The following LRRC32 variants were observed in gnomAD, a reference collection of about 807,000 sequenced individuals.
The protein encoded by LRRC32 is transforming growth factor beta activator LRRC32.
Under a neutral mutation model 15.0 loss-of-function variants are expected in LRRC32, and 5 were observed. The observed-to-expected ratio is 0.33, with a 90% CI of 0.17 to 0.70. The LOEUF (loss-of-function observed/expected upper bound fraction) is 0.70, where lower values mean the gene tolerates loss of function less well. LRRC32 is among the 30% of genes least tolerant of loss of function. The pLI is 0.66. For missense variants in LRRC32, 803 were observed against 854.2 expected (o/e 0.94, Z 0.75); for synonymous variants, 391 against 403.9 (o/e 0.97, Z 0.38).
chr11:76,660,247 C>A lies in LRRC32; in HGVS notation c.1346G>T (p.Ser449Ile). ...FSGITSLRSL[S>I]LVDNEIELLR... Reference sequence around the variant, plus strand: ...CAGCTCTATCTCATTATCCACCAGGCTCAGGCTGCGGAGGGAGGTGATGCC... The same window carrying A: ...CAGCTCTATCTCATTATCCACCAGGATCAGGCTGCGGAGGGAGGTGATGCC... The change falls in exon 3 of 3, where the codon AGC becomes ATC. Residue 449 changes from serine to isoleucine, a missense_variant. Transcript: ENST00000260061. 1 of 1,575,540 alleles carries A rather than the reference C, an allele frequency of 6.3e-7. No individual in the cohort carries two copies. Among genetic ancestry groups the A allele is most frequent in the South Asian group, 1.2e-5 (1 of 83,888 alleles).
At chr11:76,661,597 G>A (rs1178725901) in intron 2 of LRRC32, 89 bp from the exon 3 acceptor site, 5 of 1,459,592 alleles carry the variant, frequency 3.4e-6, no homozygotes, top group Non-Finnish European at 4.5e-6. Context: ...ACCCTGCCTG[G>A]CTGGGGAACC....
At chr11:76,667,293 C>G (rs1183757560) in intron 1 of LRRC32, among the ~76,000 whole-genome samples, 1 of 152,214 alleles carries the variant, frequency 6.6e-6, no homozygotes, top group African/African-American at 2.4e-5. Context: ...AACAAGCCAC[C>G]GGCCCAGGTG....
Position 76,659,609 on chromosome 11 carries a change from C to T in LRRC32, c.1984G>A (p.Ala662Thr). 1 of 1,613,932 alleles carries T rather than the reference C, an allele frequency of 6.2e-7. No homozygotes were observed. The highest frequency in any genetic ancestry group is 8.5e-7 in the Non-Finnish European group (1 of 1,179,958). ...RRQKFNQQYKA is the reference protein window; with the variant it reads ...RRQKFNQQYKT The stretch of plus-strand genomic sequence containing the variant: ...TAGAGTGTCTCCCGGCTTCTTTAGG[C>T]TTTATACTGTTGGTTAAACTTCTGC... Residue 662 changes from alanine (A) to threonine (T), a missense_variant, in exon 3 of 3, where the codon GCC becomes ACC. Ala to Thr is a moderately conservative substitution (Grantham distance 58, BLOSUM62 0). Transcript: ENST00000260061.
Position 76,660,387 on chromosome 11 carries a change from G to A in LRRC32, c.1206C>T (p.Pro402=), listed in dbSNP as rs1397624408. The A allele has an allele frequency of 6.2e-7, 1 of 1,613,704 alleles. No individual in the cohort carries two copies. The highest frequency in any genetic ancestry group is 1.7e-5 in the Admixed American group (1 of 59,964). The change falls in exon 3 of 3, where the codon CCC becomes CCT. Residue 402 remains proline (P), a synonymous_variant. Coordinates refer to ENST00000260061, the MANE Select transcript of LRRC32 (RefSeq NM_001128922.2). ...LLQGNALRDL[P]PYTFANLASL... is the part of the protein sequence containing the mutation. ...TGGCCAGATTGGCAAAGGTGTATGG[G>A]GGCAGGTCCCGCAGGGCATTGCCCT...
Position 76,665,930 on chromosome 11 carries a change from G to A in LRRC32, c.25C>T (p.Leu9=), listed in dbSNP as rs199880295. 225 of 1,614,086 alleles carry A rather than the reference G, an allele frequency of 1.4e-4. 3 individuals are homozygous for A. The South Asian group carries it at 2.4e-3, about 17-fold the overall frequency. ...GCCAGGCCTAGGGTCAGCAGGGCCA[G>A]GAGCAGCAGGATCTGGGGTCTCATG... MRPQILLL[L]ALLTLGLAAQ... The change falls in exon 2 of 3, where the codon CTG becomes TTG. Residue 9 remains leucine, a synonymous_variant. Transcript: ENST00000260061.
At chr11:76,664,634 A>G (rs1952594402) in intron 2 of LRRC32, among the ~76,000 whole-genome samples, 2 of 152,176 alleles carry the variant, frequency 1.3e-5, no homozygotes, top group African/African-American at 4.8e-5. Flanking sequence ...TGGGTCACAC[A>G]TCTTCTCCTT....
chr11:76,668,206 T>G (rs1952655986), intron 1 of LRRC32, among the ~76,000 whole-genome samples: 1 of 152,094 alleles, frequency 6.6e-6, no homozygotes. Flanking sequence ...TTCACCTCTC[T>G]GCAACGTTCC....
intron 2 of LRRC32, among the ~76,000 whole-genome samples, chr11:76,661,729 A>G (rs1952538295): frequency 6.6e-6 from 1 of 152,208 alleles, no homozygotes; most frequent in African/African-American, 2.4e-5. Flanking sequence ...ATGGGCATTA[A>G]GGAAGGAACT....
Position 76,659,782 on chromosome 11 carries a change from G to C in LRRC32, c.1811C>G (p.Ser604Cys). Residue 604 changes from serine (S) to cysteine (C), a missense_variant, in exon 3 of 3, where the codon TCC (serine) becomes TGC (cysteine). Physicochemically the swap from Ser to Cys is moderately radical, Grantham distance 112. Coordinates refer to ENST00000260061, the MANE Select transcript of LRRC32 (RefSeq NM_001128922.2). The stretch of plus-strand genomic sequence containing the variant: ...GTGGCTCAGGGACACCTCCTCCTGG[G>C]AGCTGAAGCGGCAGATCAGGTCCTG... ...ATQDLICRFSSQEEVSLSHVR... is the reference protein window; with the variant it reads ...ATQDLICRFSCQEEVSLSHVR... The C allele has an allele frequency of 6.2e-7, 1 of 1,614,230 alleles. No homozygotes were observed. The highest frequency in any genetic ancestry group is 8.5e-7 in the Non-Finnish European group (1 of 1,180,046).
chr11:76,661,202 G>C lies in LRRC32; in HGVS notation c.391C>G (p.Leu131Val). The change falls in exon 3 of 3, where the codon CTG becomes GTG. Residue 131 changes from leucine (L) to valine (V), a missense_variant. Transcript: ENST00000260061. ...GPLPRVTSLD[L>V]SGNSLYSGLL... ...CCGCTGTACAGGCTGTTCCCAGACAGGTCCAGGGAGGTCACGCGTGGCAGG... is the reference window on the plus strand; with the variant it reads ...CCGCTGTACAGGCTGTTCCCAGACACGTCCAGGGAGGTCACGCGTGGCAGG... 1 of 1,613,830 alleles carries C rather than the reference G, an allele frequency of 6.2e-7. No individual in the cohort carries two copies. Among genetic ancestry groups the C allele is most frequent in the Non-Finnish European group, 8.5e-7 (1 of 1,179,930 alleles).
rs1252946934 is a variant in LRRC32, at chr11:76,658,562, T to TTCAAACA, written c.*1041_*1042insTGTTTGA. ...AGATCAGGCCCTGGAGACAGAAGGATGAAGGTTTGAATCTCACCTATGGCA... is the reference window on the plus strand; with the variant it reads ...AGATCAGGCCCTGGAGACAGAAGGATTCAAACAGAAGGTTTGAATCTCACCTATGGCA... On this transcript the variant is annotated 3_prime_UTR_variant, in exon 3 of 3. Coordinates refer to ENST00000260061, the MANE Select transcript of LRRC32 (RefSeq NM_001128922.2). 2 of 152,304 alleles carry TTCAAACA rather than the reference T, an allele frequency of 1.3e-5. No individual in the cohort carries two copies. Among genetic ancestry groups the TTCAAACA allele is most frequent in the Admixed American group, 1.3e-4 (2 of 15,282 alleles). The allele number at this position is 152,304 out of a possible 1,614,324, so 9.4% of individuals were successfully genotyped here. A position where few individuals can be genotyped will look rare whatever the true frequency, so the allele number is the denominator to read the frequency against.
intron 2 of LRRC32, among the ~76,000 whole-genome samples, chr11:76,664,905 T>C (rs572069750): frequency 6.0e-4 from 91 of 152,320 alleles, no homozygotes; most frequent in African/African-American, 2.1e-3. Context: ...ACAGGAGACA[T>C]TGCACCCCCA....
rs202125228 is a variant in LRRC32 at position 76,661,165 on chromosome 11, C to T, written c.428G>A (p.Arg143Gln). The T allele has an allele frequency of 5.5e-5, 88 of 1,613,898 alleles. 1 individual carries two copies. Among genetic ancestry groups the T allele is most frequent in the African/African-American group, 3.6e-4 (27 of 75,058 alleles). The change falls in exon 3 of 3, where the codon CGG becomes CAG. Residue 143 changes from arginine (R) to glutamine (Q), a missense_variant. By Grantham distance (43) the Arg-to-Gln change is conservative (BLOSUM62 1). Coordinates refer to ENST00000260061, the MANE Select transcript of LRRC32 (RefSeq NM_001128922.2). ...GNSLYSGLLE[R>Q]LLGEAPSLHT... is the part of the protein sequence containing the mutation. ...CAGGCTGGGTGCCTCCCCCAGCAGC[C>T]GCTCCAGCAGGCCGCTGTACAGGCT...
Position 76,660,663 on chromosome 11 carries a change from G to A in LRRC32, c.930C>T (p.Ser310=), listed in dbSNP as rs749913376. 9.3e-6 allele frequency: 15 copies of A among 1,614,082 alleles called. No homozygotes were observed. Among genetic ancestry groups the A allele is most frequent in the East Asian group, 2.2e-5 (1 of 44,888 alleles). The change falls in exon 3 of 3, where the codon AGC becomes AGT. Residue 310 remains serine, a synonymous_variant. Transcript: ENST00000260061. ...LPLSAPSGNA[S]GRPLSQLLNL... is the part of the protein sequence containing the mutation. ...TCAAGAGCTGGGAAAGGGGGCGGCCGCTGGCATTCCCGCTGGGGGCTGAGA... is the reference window on the plus strand; with the variant it reads ...TCAAGAGCTGGGAAAGGGGGCGGCCACTGGCATTCCCGCTGGGGGCTGAGA...
In LRRC32 at chr11:76,661,421, C is replaced by G; in HGVS notation, c.172G>C (p.Gly58Arg). The change falls in exon 3 of 3, where the codon GGG becomes CGG. Residue 58 changes from glycine to arginine, a missense_variant. By Grantham distance (125) the Gly-to-Arg change is moderately radical. Transcript: ENST00000260061. ...GCCAGGATACTCCGCAGCTGGTTCC[C>G]AGATAGATCAAGGGTCTCAGTGTCT... is the stretch of plus-strand genomic sequence containing the variant. ...PPDTETLDLS[G>R]NQLRSILASP... 6.2e-7 allele frequency: 1 copy of G among 1,614,062 alleles called. No homozygotes were observed. The highest frequency in any genetic ancestry group is 8.5e-7 in the Non-Finnish European group (1 of 1,179,958).
intron 2 of LRRC32, among the ~76,000 whole-genome samples, chr11:76,662,194 G>C (rs565427179): frequency 1.3e-5 from 2 of 152,130 alleles, no homozygotes; most frequent in Non-Finnish European, 2.9e-5. Context: ...TTCTTCCCAG[G>C]CTGGGTCAGG....
At chr11:76,662,051 T>C (rs559807394) in intron 2 of LRRC32, among the ~76,000 whole-genome samples, 1 of 152,280 alleles carries the variant, frequency 6.6e-6, no homozygotes, top group Non-Finnish European at 1.5e-5. Context: ...GTTTTTATCT[T>C]GGCCTCCCTG....
intron 1 of LRRC32, 39 bp downstream of exon 1, chr11:76,670,575 C>G (rs1017229360): frequency 6.6e-6 from 1 of 152,190 alleles, no homozygotes; most frequent in African/African-American, 2.4e-5. Flanking sequence ...AGTGCGCCCC[C>G]CGAGGGCCGG....
rs760932025 is a variant in LRRC32, at chr11:76,657,867, C to T, written c.*1737G>A. On this transcript the variant is annotated 3_prime_UTR_variant, in exon 3 of 3. Coordinates refer to ENST00000260061, the MANE Select transcript of LRRC32 (RefSeq NM_001128922.2). ...GGAGAGAGTGGCATTTTCACTTTCT[C>T]GCACATTACTGAGCCCACATCATGA... 2 of 152,362 alleles carry T rather than the reference C, an allele frequency of 1.3e-5. No homozygotes were observed. The highest frequency in any genetic ancestry group is 1.5e-5 in the Non-Finnish European group (1 of 68,062). 9.4% of individuals were successfully genotyped at this position (152,362 alleles called of 1,614,324 possible).
Sources: allele counts gnomAD v4.1 joint callset (sites outside exome capture counted in the v4.1 genomes callset), GRCh38; gene constraint gnomAD v4.1.1; transcripts MANE v1.5; gene names NCBI Gene and HGNC (gene_info 2026-07-23, HGNC 2026-07-21).